Variants in COL5A1 observed in about 807,000 individuals in gnomAD.
COL5A1 encodes the protein collagen alpha-1(V) chain.
A neutral mutation model predicts 263.7 loss-of-function variants in COL5A1; 16 were observed. That is an observed-to-expected ratio of 0.06 (90% CI 0.04 to 0.09). The LOEUF (loss-of-function observed/expected upper bound fraction) is 0.09. COL5A1 is among the 10% of genes least tolerant of loss of function. COL5A1 has a pLI of 1.00. For missense variants in COL5A1, 2,036 were observed against 2,540.5 expected (o/e 0.80, Z 4.27); for synonymous variants, 1,012 against 1,004.5 (o/e 1.01, Z -0.14).
At chr9:134,829,365 ACGCGGCC>A in intron 63 of COL5A1, among the ~76,000 whole-genome samples, 1 of 141,580 alleles carries the variant, frequency 7.1e-6, no homozygotes, top group Admixed American at 7.0e-5. Context: ...GCTCATCCTC[ACGCGGCC>A]TCCGGTCTCC....
At chr9:134,770,560 G>A (rs1440212886) in intron 25 of COL5A1, among the ~76,000 whole-genome samples, 2 of 152,224 alleles carry the variant, frequency 1.3e-5, no homozygotes, top group Non-Finnish European at 2.9e-5. Context: ...ACCATGCCAA[G>A]GGCGCATGCA....
intron 1 of COL5A1, among the ~76,000 whole-genome samples, chr9:134,687,362 G>A (rs1302760748): frequency 6.6e-6 from 1 of 152,142 alleles, no homozygotes; most frequent in Non-Finnish European, 1.5e-5. Context: ...AGGAGACAGG[G>A]CTGGAGCTTG....
intron 4 of COL5A1, among the ~76,000 whole-genome samples, chr9:134,704,321 T>A (rs1408014504): frequency 6.6e-6 from 1 of 152,284 alleles, no homozygotes. Context: ...GGAGGCACCG[T>A]GAGAATTAAT....
chr9:134,701,080 C>T, intron 3 of COL5A1, 91 bp from the exon 4 acceptor site: 1 of 1,377,104 alleles, frequency 7.3e-7, no homozygotes, highest in South Asian at 1.2e-5. Flanking sequence ...GGAAGTGGGC[C>T]TTCTTCCTGT....
chr9:134,761,849 A>G (rs1246158876), intron 18 of COL5A1, 76 bp from the exon 19 acceptor site: 3 of 1,444,950 alleles, frequency 2.1e-6, no homozygotes, highest in Non-Finnish European at 2.9e-6. Flanking sequence ...GAATTAGAGA[A>G]AAACAAAGTG....
chr9:134,708,422 G>GA (rs1044556789), intron 4 of COL5A1: 8 of 408,360 alleles, frequency 2.0e-5, no homozygotes, highest in Non-Finnish European at 3.9e-5. Context: ...CAACTCCCGG[G>GA]GTGGGGGCTC....
chr9:134,729,216 G>A (rs1834773966), intron 6 of COL5A1, among the ~76,000 whole-genome samples: 1 of 152,178 alleles, frequency 6.6e-6, no homozygotes, highest in Non-Finnish European at 1.5e-5. Context: ...GTCTGAGGTC[G>A]GCCTCGGGTC....
intron 1 of COL5A1, among the ~76,000 whole-genome samples, chr9:134,674,124 A>AG (rs1832622558): frequency 6.6e-6 from 1 of 152,226 alleles, no homozygotes; most frequent in African/African-American, 2.4e-5. Context: ...TTATAAGATT[A>AG]GCCCTTCCTT....
intron 37 of COL5A1, among the ~76,000 whole-genome samples, chr9:134,801,074 C>T (rs1456738639): frequency 1.3e-5 from 2 of 152,230 alleles, no homozygotes; most frequent in Non-Finnish European, 2.9e-5. Flanking sequence ...GGTCATCTTT[C>T]TCCTTTGAGG....
In COL5A1 at chr9:134,817,650, C is replaced by G. The variant is rs1040958789; in HGVS notation, c.4177-128C>G. On this transcript the variant is annotated intron_variant, in intron 53 of 65. Coordinates refer to ENST00000371817, the MANE Select transcript of COL5A1 (RefSeq NM_000093.5). ...CTGCAGCCCGGCACACCCTGAGCAC[C>G]TGCACCCGAGCTCGTCCCTCTGCCC... 5.9e-6 allele frequency: 5 copies of G among 850,496 alleles called. No homozygotes were observed. The East Asian group carries it at 1.3e-4, about 23-fold the overall frequency. 52.7% of individuals were successfully genotyped at this position (850,496 alleles called of 1,614,324 possible).
intron 62 of COL5A1, among the ~76,000 whole-genome samples, chr9:134,825,326 C>T (rs1276693847): frequency 6.6e-6 from 1 of 152,178 alleles, no homozygotes; most frequent in African/African-American, 2.4e-5. Flanking sequence ...ACATCCTTCT[C>T]CTCACCATCA....
At chr9:134,730,185 C>A (rs746207123) in intron 6 of COL5A1, 51 bp from the exon 7 acceptor site, 1 of 1,606,428 alleles carries the variant, frequency 6.2e-7, no homozygotes, top group Non-Finnish European at 8.5e-7. Flanking sequence ...AGACCTGGCA[C>A]CACTGCCGGC....
In COL5A1 at chr9:134,818,931, C is replaced by G. The variant is rs146189396; in HGVS notation, c.4392+30C>G. 2.6e-3 allele frequency: 4,126 copies of G among 1,612,886 alleles called. 16 individuals carry two copies. Among genetic ancestry groups the G allele is most frequent in the Middle Eastern group, 0.011 (64 of 6,062 alleles). ...GTCACATTCCTCATGGTGAGCATAG[C>G]GGGTGGGATGACTTCGCCACCCAAA... is the stretch of plus-strand genomic sequence containing the variant. On this transcript the variant is annotated intron_variant, in intron 56 of 65. Coordinates refer to ENST00000371817, the MANE Select transcript of COL5A1 (RefSeq NM_000093.5). This position sits in a 1 kb window ranked among gnomAD's most constrained non-coding sequence, Gnocchi z 6.0.
intron 61 of COL5A1, among the ~76,000 whole-genome samples, chr9:134,823,713 G>A (rs1268690778): frequency 1.3e-5 from 2 of 152,214 alleles, no homozygotes; most frequent in African/African-American, 4.8e-5. Context: ...CGTGTGTGCT[G>A]TGTGTGCATG....
chr9:134,809,992 G>A (rs560066963), intron 43 of COL5A1, among the ~76,000 whole-genome samples: 53 of 152,330 alleles, frequency 3.5e-4, no homozygotes, highest in African/African-American at 1.2e-3. Flanking sequence ...GAAAAACAGA[G>A]TAAATATTTT....
Position 134,821,948 on chromosome 9 carries a change from AAGC to A in COL5A1, c.4555-145_4555-143del. The A allele has an allele frequency of 1.3e-6, 1 of 747,744 alleles. No homozygotes were observed. The highest frequency in any genetic ancestry group is 2.5e-5 in the East Asian group (1 of 39,832). The allele number at this position is 747,744 out of a possible 1,614,324, so 46.3% of individuals were successfully genotyped here. A position where few individuals can be genotyped will look rare whatever the true frequency, so the allele number is the denominator to read the frequency against. On this transcript the variant is annotated intron_variant, in intron 58 of 65. Transcript: ENST00000371817. The surrounding 1 kb of genome is among the most constrained non-coding windows in gnomAD (Gnocchi z 4.2). The stretch of plus-strand genomic sequence containing the variant: ...CTGACATGCACAGCCCAGGATCAGA[AAGC>A]AGCCACAGGAGGCTGCTGAGGGGCC...
chr9:134,705,881 G>C (rs916883527), intron 4 of COL5A1, among the ~76,000 whole-genome samples: 3 of 152,218 alleles, frequency 2.0e-5, no homozygotes, highest in African/African-American at 4.8e-5. Context: ...CAGGAGGATG[G>C]AGCCGCTGAG....
chr9:134,760,016 GCA>G (rs1391049506), intron 18 of COL5A1, among the ~76,000 whole-genome samples: 13 of 67,596 alleles, frequency 1.9e-4, no homozygotes, highest in African/African-American at 8.3e-4. Flanking sequence ...ATACACACAT[GCA>G]CACACACCCA....
In COL5A1 at chr9:134,700,151, C is replaced by T; in HGVS notation, c.491+29C>T. 1.3e-6 allele frequency: 2 copies of T among 1,592,572 alleles called. No individual in the cohort carries two copies. The highest frequency in any genetic ancestry group is 1.1e-5 in the South Asian group (1 of 90,662). ...AGTGGGCACTTCTGGGCAACTGTCC[C>T]CCTGCTGGAGGGGGGATCAGGCCAG... On this transcript the variant is annotated intron_variant, in intron 3 of 65. Transcript: ENST00000371817. The surrounding 1 kb of genome is among the most constrained non-coding windows in gnomAD (Gnocchi z 4.0).
Sources: gnomAD v4.1 joint callset for allele counts (sites outside exome capture counted in the v4.1 genomes callset) on GRCh38, gnomAD v4.1.1 for gene constraint, Gnocchi (gnomAD v3.1) non-coding constraint, MANE v1.5 for transcripts, NCBI Gene and HGNC (gene_info 2026-07-23, HGNC 2026-07-21) for gene names.